The following WRNIP1 variants were observed in gnomAD, a reference collection of about 807,000 sequenced individuals.
WRNIP1 encodes the protein ATPase WRNIP1.
A neutral mutation model predicts 56.1 loss-of-function variants in WRNIP1; 41 were observed. The observed-to-expected ratio is 0.73, with a 90% CI of 0.57 to 0.95. The LOEUF is 0.95. WRNIP1 is among the 40% of genes least tolerant of loss of function. The pLI is 0.00. For missense variants in WRNIP1, 1,170 were observed against 939.4 expected (o/e 1.25, Z -3.21); for synonymous variants, 547 against 398.1 (o/e 1.37, Z -4.45).
At chr6:2,768,212 G>T (rs1397589447) in intron 1 of WRNIP1, among the ~76,000 whole-genome samples, 1 of 152,144 alleles carries the variant, frequency 6.6e-6, no homozygotes, top group African/African-American at 2.4e-5. Flanking sequence ...TTGGTCTCAA[G>T]GCAAATGCTC....
chr6:2,770,921 A>G (rs1470406992), intron 3 of WRNIP1, among the ~76,000 whole-genome samples: 2 of 152,238 alleles, frequency 1.3e-5, no homozygotes, highest in Non-Finnish European at 2.9e-5. Context: ...TGAATATGAC[A>G]TTATAGGCTG....
chr6:2,777,694 A>G (rs931194201), intron 3 of WRNIP1, among the ~76,000 whole-genome samples: 3 of 152,062 alleles, frequency 2.0e-5, no homozygotes, highest in African/African-American at 7.2e-5. Flanking sequence ...TCTGTCCATC[A>G]TTATCTTCTA....
rs757218155 is a variant in WRNIP1, at chr6:2,783,415, A to G, written c.1496A>G (p.His499Arg). The change falls in exon 5 of 7, where the codon CAT becomes CGT. Residue 499 changes from histidine to arginine, a missense_variant. Physicochemically the swap from His to Arg is conservative, Grantham distance 29. Coordinates refer to ENST00000380773, the MANE Select transcript of WRNIP1 (RefSeq NM_020135.3). The part of the protein sequence containing the change: ...HILYDRAGEE[H>R]YNCISALHKS... ...CTCTTTGTGATGTCAGGTGAGGAGC[A>G]TTACAACTGCATCTCCGCCCTGCAC... is the stretch of plus-strand genomic sequence containing the variant. The G allele has an allele frequency of 1.9e-6, 3 of 1,602,196 alleles. No individual in the cohort carries two copies. Among genetic ancestry groups the G allele is most frequent in the African/African-American group, 2.7e-5 (2 of 74,414 alleles).
At chr6:2,771,684 A>G (rs994612350) in intron 3 of WRNIP1, among the ~76,000 whole-genome samples, 2 of 152,264 alleles carry the variant, frequency 1.3e-5, no homozygotes, top group African/African-American at 4.8e-5. Flanking sequence ...TGGTAAGTAT[A>G]TAATGCAAAT....
Position 2,765,706 on chromosome 6 carries a change from C to T in WRNIP1, c.84C>T (p.Pro28=), listed in dbSNP as rs953987824. 5.2e-6 allele frequency: 8 copies of T among 1,546,352 alleles called. No homozygotes were observed. Among genetic ancestry groups the T allele is most frequent in the Non-Finnish European group, 6.9e-6 (8 of 1,154,708 alleles). The change falls in exon 1 of 7, where the codon CCC becomes CCT. Residue 28 remains proline, a synonymous_variant. Transcript: ENST00000380773. ...GCCCCGTGTGCCAGCAGATGATGCC[C>T]GCCGCGCACATCAACTCGCACCTGG... is the stretch of plus-strand genomic sequence containing the variant. ...VQCPVCQQMM[P]AAHINSHLDR...
At chr6:2,774,025 A>C in intron 3 of WRNIP1, 1 of 985,396 alleles carries the variant, frequency 1.0e-6, no homozygotes, top group Non-Finnish European at 1.2e-6. Flanking sequence ...TCTTTTTATA[A>C]AAGTTTAAAG....
At chr6:2,779,957 C>G (rs144554513) in intron 4 of WRNIP1, among the ~76,000 whole-genome samples, 180 of 152,252 alleles carry the variant, frequency 1.2e-3, no homozygotes, top group African/African-American at 4.0e-3. Context: ...AGTCATGGAT[C>G]TTGAAGTTTT....
intron 4 of WRNIP1, 100 bp downstream of exon 4, chr6:2,779,592 G>C: frequency 7.9e-7 from 1 of 1,269,488 alleles, no homozygotes; most frequent in South Asian, 1.4e-5. Flanking sequence ...AAGCATTCCA[G>C]CTGGGTCCAG....
chr6:2,781,380 T>A (rs564348770), intron 4 of WRNIP1, among the ~76,000 whole-genome samples: 2 of 152,344 alleles, frequency 1.3e-5, no homozygotes, highest in South Asian at 4.1e-4. Context: ...GCAACATGTC[T>A]GCCCCACAGT....
At chr6:2,784,480 T>C (rs1266453727) in intron 6 of WRNIP1, 77 bp downstream of exon 6, 5 of 1,452,284 alleles carry the variant, frequency 3.4e-6, no homozygotes, top group Admixed American at 1.8e-5. Flanking sequence ...TTTGAATAAA[T>C]GTCCCTCCTT....
intron 1 of WRNIP1, among the ~76,000 whole-genome samples, chr6:2,766,903 C>T (rs766885684): frequency 3.3e-5 from 5 of 152,152 alleles, no homozygotes; most frequent in Non-Finnish European, 5.9e-5. Flanking sequence ...GTGCTTCCTT[C>T]CTTTTCCACT....
intron 3 of WRNIP1, chr6:2,774,180 C>G (rs1169806435): frequency 1.0e-6 from 1 of 985,086 alleles, no homozygotes; most frequent in Non-Finnish European, 1.2e-6. Context: ...TAATACAGTA[C>G]ATTAACATAG....
chr6:2,765,559 A>AAGGCCTCCGC lies in WRNIP1; in HGVS notation c.-63_-54dup. The AAGGCCTCCGC allele has an allele frequency of 2.2e-6, 3 of 1,381,724 alleles. No homozygotes were observed. The highest frequency in any genetic ancestry group is 3.2e-5 in the East Asian group (1 of 31,358). The allele number at this position is 1,381,724 out of a possible 1,614,324, so 85.6% of individuals were successfully genotyped here. A position where few individuals can be genotyped will look rare whatever the true frequency, so the allele number is the denominator to read the frequency against. ...GCGCGGGGCCTAGCGGAGGGCATCG[A>AAGGCCTCCGC]AGGCCTCCGCGTGCGCACGGGTTGC... On this transcript the variant is annotated 5_prime_UTR_variant, in exon 1 of 7. Transcript: ENST00000380773.
intron 1 of WRNIP1, among the ~76,000 whole-genome samples, chr6:2,767,281 A>C (rs968525711): frequency 6.6e-6 from 1 of 152,266 alleles, no homozygotes; most frequent in Non-Finnish European, 1.5e-5. Flanking sequence ...GTGCTTAAAT[A>C]CAGGATGCTT....
At chr6:2,778,420 A>T (rs1009050572) in intron 3 of WRNIP1, among the ~76,000 whole-genome samples, 2 of 152,216 alleles carry the variant, frequency 1.3e-5, no homozygotes, top group Admixed American at 6.5e-5. Context: ...TCAACTAGGG[A>T]TAGAAAATTT....
At chr6:2,768,921 A>C (rs750402830) in intron 2 of WRNIP1, 39 bp downstream of exon 2, 2 of 1,562,568 alleles carry the variant, frequency 1.3e-6, no homozygotes, top group African/African-American at 2.7e-5. Context: ...CGTTGTGAAC[A>C]TCAAACAATA....
At chr6:2,784,483 C>A in intron 6 of WRNIP1, 80 bp downstream of exon 6, 6 of 1,414,482 alleles carry the variant, frequency 4.2e-6, no homozygotes, top group South Asian at 1.2e-5. Context: ...GAATAAATGT[C>A]CCTCCTTCAC....
chr6:2,779,148 C>G, intron 3 of WRNIP1, 115 bp from the exon 4 acceptor site: 1 of 1,073,994 alleles, frequency 9.3e-7, no homozygotes, highest in Non-Finnish European at 1.4e-6. Flanking sequence ...GAATAAGAGG[C>G]AAAGGCCTTG....
intron 4 of WRNIP1, among the ~76,000 whole-genome samples, chr6:2,781,441 A>G (rs966889612): frequency 2.0e-5 from 3 of 152,230 alleles, no homozygotes; most frequent in Non-Finnish European, 4.4e-5. Context: ...AGCTGCTTTT[A>G]CAGGCTTTGC....
Sources: allele counts gnomAD v4.1 joint callset (sites outside exome capture counted in the v4.1 genomes callset), GRCh38; gene constraint gnomAD v4.1.1; transcripts MANE v1.5; gene names NCBI Gene and HGNC (gene_info 2026-07-23, HGNC 2026-07-21).